The following PAG1 variants were observed in gnomAD, a reference collection of about 807,000 sequenced individuals.
PAG1 encodes phosphoprotein associated with glycosphingolipid-enriched microdomains 1.
In PAG1, 23 loss-of-function variants were observed where a neutral mutation model predicts 31.7. The observed-to-expected ratio is 0.73, with a 90% CI of 0.52 to 1.03. The LOEUF is 1.03. Among genes scored for constraint, PAG1 ranks in the 50% least tolerant of loss-of-function variants. The probability of loss-of-function intolerance (pLI) is 0.00; values close to 1 mark genes in which losing one functional copy is unlikely to be tolerated. For synonymous variants in PAG1, 214 were observed against 210.3 expected, an observed-to-expected ratio of 1.02 and a Z score of -0.15; for missense variants, 473 against 540.7, an observed-to-expected ratio of 0.87 and a Z score of 1.24.
intron 1 of PAG1, among the ~76,000 whole-genome samples, chr8:81,090,858 T>C (rs1809433620): frequency 6.6e-6 from 1 of 151,666 alleles, no homozygotes; most frequent in Non-Finnish European, 1.5e-5. Flanking sequence ...CATTAAGGAG[T>C]TAGATCTCTT....
chr8:80,997,248 G>T (rs1807694070), intron 3 of PAG1, among the ~76,000 whole-genome samples: 1 of 152,018 alleles, frequency 6.6e-6, no homozygotes, highest in Non-Finnish European at 1.5e-5. Context: ...CAATAAACTT[G>T]CATTCAACTA....
chr8:80,998,749 T>C (rs967472070), intron 3 of PAG1, among the ~76,000 whole-genome samples: 2 of 152,218 alleles, frequency 1.3e-5, no homozygotes, highest in Non-Finnish European at 2.9e-5. Flanking sequence ...AGATTAGATA[T>C]GGAAACAGAC....
intron 2 of PAG1, among the ~76,000 whole-genome samples, chr8:81,058,002 A>C (rs1808855867): frequency 6.6e-6 from 1 of 152,194 alleles, no homozygotes; most frequent in East Asian, 1.9e-4. Context: ...AACAGTAAAT[A>C]CTGCCTTAAG....
chr8:81,037,549 G>C (rs377355585), intron 2 of PAG1, among the ~76,000 whole-genome samples: 1 of 152,202 alleles, frequency 6.6e-6, no homozygotes, highest in Non-Finnish European at 1.5e-5. Context: ...TGTGCAGCAC[G>C]ATGTGTTTAA....
intron 1 of PAG1, among the ~76,000 whole-genome samples, chr8:81,088,915 T>C (rs1490574147): frequency 6.6e-6 from 1 of 152,268 alleles, no homozygotes; most frequent in Admixed American, 6.5e-5. Context: ...CAATAATAGC[T>C]GATCTATTTG....
chr8:81,086,148 A>G (rs1809352660), intron 1 of PAG1, among the ~76,000 whole-genome samples: 1 of 150,146 alleles, frequency 6.7e-6, no homozygotes, highest in South Asian at 2.1e-4. Flanking sequence ...CGCCCGGCTA[A>G]TTTTTTGTAT....
chr8:81,097,043 A>C (rs1352461553), intron 1 of PAG1, among the ~76,000 whole-genome samples: 1 of 152,140 alleles, frequency 6.6e-6, no homozygotes, highest in African/African-American at 2.4e-5. Context: ...CCCCTTCCAC[A>C]ATTGCTCTCA....
intron 2 of PAG1, among the ~76,000 whole-genome samples, chr8:81,035,906 T>C (rs559659874): frequency 6.6e-6 from 1 of 151,020 alleles, no homozygotes; most frequent in Non-Finnish European, 1.5e-5. Context: ...AACATATATA[T>C]ACATGCATAT....
Position 81,061,758 on chromosome 8 carries a change from G to A in PAG1, c.-175+8354C>T, listed in dbSNP as rs555840077. ...GTACCAGATAGGGAACATTTAAAAC[G>A]TAAAAAAGGAAAGGTGAGAGTGTCT... On this transcript the variant is annotated intron_variant, in intron 2 of 8. Transcript: ENST00000220597. 2.6e-5 allele frequency among the ~76,000 whole-genome samples: 4 copies of A among 152,278 alleles called. No homozygotes were observed. The South Asian group carries it at 6.2e-4, about 24-fold the overall frequency.
rs1382322236 is a variant in PAG1, at chr8:80,973,228, C to A, written c.*3316G>T. On this transcript the variant is annotated 3_prime_UTR_variant, in exon 9 of 9. Coordinates refer to ENST00000220597, the MANE Select transcript of PAG1 (RefSeq NM_018440.4). Reference sequence around the variant, plus strand: ...GACAGAAAAAAAAATATGTAGCCAACATTCTTGCAAGAATTACTTTCTTAT... The same window carrying A: ...GACAGAAAAAAAAATATGTAGCCAAAATTCTTGCAAGAATTACTTTCTTAT... The A allele has an allele frequency of 3.3e-5, 5 of 152,200 alleles. No homozygotes were observed. The East Asian group carries it at 9.6e-4, about 29-fold the overall frequency. The allele number at this position is 152,200 out of a possible 1,614,324, so 9.4% of individuals were successfully genotyped here. A position where few individuals can be genotyped will look rare whatever the true frequency, so the allele number is the denominator to read the frequency against.
intron 8 of PAG1, among the ~76,000 whole-genome samples, chr8:80,979,505 C>T (rs1188276167): frequency 1.3e-5 from 2 of 152,150 alleles, no homozygotes; most frequent in Non-Finnish European, 2.9e-5. Flanking sequence ...TCTGTGCAAC[C>T]AGATAGACAG....
intron 1 of PAG1, among the ~76,000 whole-genome samples, chr8:81,106,202 T>C (rs1008531967): frequency 6.6e-6 from 1 of 152,066 alleles, no homozygotes; most frequent in Non-Finnish European, 1.5e-5. Flanking sequence ...CACACCACCA[T>C]GCCCAGCTAA....
rs1807069419 is a variant in PAG1, at chr8:80,971,165, T to G, written c.*5379A>C. 6.6e-6 allele frequency: 1 copy of G among 152,246 alleles called. No homozygotes were observed. The highest frequency in any genetic ancestry group is 2.1e-4 in the South Asian group (1 of 4,834). The allele number at this position is 152,246 out of a possible 1,614,324, so 9.4% of individuals were successfully genotyped here. A position where few individuals can be genotyped will look rare whatever the true frequency, so the allele number is the denominator to read the frequency against. Reference sequence around the variant, plus strand: ...AAATTCCCAGTACTGAAAACAACTTTCTCACTCTTTTGTGAATTGGACAAT... The same window carrying G: ...AAATTCCCAGTACTGAAAACAACTTGCTCACTCTTTTGTGAATTGGACAAT... On this transcript the variant is annotated 3_prime_UTR_variant, in exon 9 of 9. Transcript: ENST00000220597.
intron 3 of PAG1, among the ~76,000 whole-genome samples, chr8:81,022,396 T>C (rs1273916179): frequency 6.6e-6 from 1 of 152,198 alleles, no homozygotes; most frequent in African/African-American, 2.4e-5. Context: ...CTGATAACAG[T>C]TGGGTTTTAA....
chr8:81,004,909 C>T (rs542104706), intron 3 of PAG1, among the ~76,000 whole-genome samples: 4 of 152,288 alleles, frequency 2.6e-5, no homozygotes, highest in Non-Finnish European at 5.9e-5. Flanking sequence ...CAGGGCCAGC[C>T]GGCCTCTGAG....
intron 7 of PAG1, among the ~76,000 whole-genome samples, chr8:80,981,862 CTTT>C (rs57438015): frequency 2.0e-3 from 207 of 103,390 alleles, no homozygotes; most frequent in African/African-American, 5.5e-3. Flanking sequence ...ATCTCACTTC[CTTT>C]TTTTTTTTTT....
intron 1 of PAG1, among the ~76,000 whole-genome samples, chr8:81,087,062 C>T (rs539973269): frequency 3.3e-5 from 5 of 152,004 alleles, no homozygotes; most frequent in East Asian, 1.9e-4. Context: ...GCTGTAGAAG[C>T]GGCCAGGCGT....
At chr8:81,079,929 C>T (rs111723921) in intron 1 of PAG1, among the ~76,000 whole-genome samples, 3,043 of 151,890 alleles carry the variant, frequency 0.02, 58 homozygotes, top group South Asian at 0.039. Flanking sequence ...CCCCCATGCC[C>T]GGATAATTTT....
rs1807545878 is a variant in PAG1 at position 80,991,471 on chromosome 8, A to G, written c.177+8T>C. On this transcript the variant is annotated splice_region_variant and intron_variant, in intron 5 of 8. Coordinates refer to ENST00000220597, the MANE Select transcript of PAG1 (RefSeq NM_018440.4). ...GGACAGACAGGCAGACGACACGCGC[A>G]GGCTCACCACGTTCATCAGGTTCTC... 2 of 1,609,626 alleles carry G rather than the reference A, an allele frequency of 1.2e-6. No homozygotes were observed. The highest frequency in any genetic ancestry group is 4.5e-5 in the East Asian group (2 of 44,854).
Sources: gnomAD v4.1 joint callset for allele counts (sites outside exome capture counted in the v4.1 genomes callset) on GRCh38, gnomAD v4.1.1 for gene constraint, MANE v1.5 for transcripts, NCBI Gene and HGNC (gene_info 2026-07-23, HGNC 2026-07-21) for gene names.